EBF1: variants seen among roughly 807,000 people sequenced by gnomAD.
EBF1 encodes the protein transcription factor COE1.
Under a neutral mutation model 68.4 loss-of-function variants are expected in EBF1, and 10 were observed. The ratio of observed to expected loss-of-function variants is 0.15; its 90% CI spans 0.09 to 0.25. The LOEUF (loss-of-function observed/expected upper bound fraction) is 0.25, where lower values mean the gene tolerates loss of function less well. Among genes scored for constraint, EBF1 ranks in the 10% least tolerant of loss-of-function variants. The pLI, the probability that EBF1 is intolerant of heterozygous loss-of-function variation, is 1.00. For synonymous variants in EBF1, 298 were observed against 299.8 expected (o/e 0.99, Z 0.06); for missense variants, 509 against 794.4 (o/e 0.64, Z 4.32).
chr5:159,067,059 A>C (rs1052960433), intron 6 of EBF1, among the ~76,000 whole-genome samples: 1 of 152,126 alleles, frequency 6.6e-6, no homozygotes, highest in Non-Finnish European at 1.5e-5. Context: ...AAATCTGGTC[A>C]ATTTTTATTA....
At chr5:159,099,306 C>G in intron 1 of EBF1, 39 bp downstream of exon 1, 2 of 1,440,032 alleles carry the variant, frequency 1.4e-6, no homozygotes, top group Non-Finnish European at 1.8e-6. Flanking sequence ...CTCTCCCGCT[C>G]GCGGCTCACC....
At chr5:158,829,825 G>T (rs1159945814) in intron 7 of EBF1, among the ~76,000 whole-genome samples, 1 of 152,114 alleles carries the variant, frequency 6.6e-6, no homozygotes, top group Non-Finnish European at 1.5e-5. Flanking sequence ...GTTTTTGACT[G>T]TAATAATGGG....
At chr5:159,086,938 T>C (rs377322801) in intron 4 of EBF1, among the ~76,000 whole-genome samples, 1 of 152,134 alleles carries the variant, frequency 6.6e-6, no homozygotes, top group African/African-American at 2.4e-5. Flanking sequence ...TAACTAAAAA[T>C]GTTTTGAAAA....
intron 6 of EBF1, among the ~76,000 whole-genome samples, chr5:159,010,775 A>G (rs1764498176): frequency 6.6e-6 from 1 of 152,250 alleles, no homozygotes; most frequent in Non-Finnish European, 1.5e-5. Flanking sequence ...CTGGACCTGT[A>G]CAGCAAGAGC....
At chr5:158,739,790 T>C (rs1175947652) in intron 10 of EBF1, among the ~76,000 whole-genome samples, 1 of 152,208 alleles carries the variant, frequency 6.6e-6, no homozygotes, top group Non-Finnish European at 1.5e-5. Flanking sequence ...ACATTAGCTG[T>C]TATCAAGGGG....
intron 6 of EBF1, among the ~76,000 whole-genome samples, chr5:158,989,307 A>G (rs1561721554): frequency 6.6e-6 from 1 of 152,294 alleles, no homozygotes; most frequent in East Asian, 1.9e-4. Flanking sequence ...TTAGTTTTTA[A>G]CACAATGCAC....
At chr5:158,923,592 C>T (rs572969297) in intron 6 of EBF1, among the ~76,000 whole-genome samples, 21 of 152,040 alleles carry the variant, frequency 1.4e-4, no homozygotes, top group African/African-American at 3.9e-4. Context: ...TGCTGGGTGG[C>T]GGGAGGTGGG....
At chr5:159,019,373 A>G (rs1766233985) in intron 6 of EBF1, among the ~76,000 whole-genome samples, 1 of 152,252 alleles carries the variant, frequency 6.6e-6, no homozygotes, top group South Asian at 2.1e-4. Flanking sequence ...ACATTATATA[A>G]CTAAATAATA....
intron 6 of EBF1, among the ~76,000 whole-genome samples, chr5:158,845,451 C>A (rs1438395503): frequency 6.6e-6 from 1 of 152,118 alleles, no homozygotes; most frequent in African/African-American, 2.4e-5. Context: ...ACATCGGAAC[C>A]TACTTTAAAG....
chr5:158,804,075 T>A (rs1219257889), intron 8 of EBF1, among the ~76,000 whole-genome samples: 1 of 148,436 alleles, frequency 6.7e-6, no homozygotes, highest in African/African-American at 2.5e-5. Context: ...AATGAGGAGA[T>A]TGAGAATTTC....
At chr5:158,997,983 C>T (rs1178293793) in intron 6 of EBF1, among the ~76,000 whole-genome samples, 1 of 152,044 alleles carries the variant, frequency 6.6e-6, no homozygotes, top group Non-Finnish European at 1.5e-5. Context: ...GCCACCATTT[C>T]CTTCCCCTCC....
intron 6 of EBF1, among the ~76,000 whole-genome samples, chr5:158,972,493 T>C (rs1755845598): frequency 6.6e-6 from 1 of 152,150 alleles, no homozygotes; most frequent in Admixed American, 6.5e-5. Context: ...CCAGAAGCCA[T>C]TCTAAAAACA....
At chr5:158,977,532 A>G (rs1757017852) in intron 6 of EBF1, among the ~76,000 whole-genome samples, 1 of 152,234 alleles carries the variant, frequency 6.6e-6, no homozygotes, top group South Asian at 2.1e-4. Context: ...AATTAAAAAT[A>G]TACGTTCTCC....
chr5:158,739,964 G>C (rs1022175216), intron 10 of EBF1, among the ~76,000 whole-genome samples: 1 of 152,134 alleles, frequency 6.6e-6, no homozygotes, highest in Non-Finnish European at 1.5e-5. Flanking sequence ...AACACATCTT[G>C]TTTTCAATCA....
Position 158,827,335 on chromosome 5 carries a change from C to T in EBF1, c.637-4018G>A, listed in dbSNP as rs1786398166. On this transcript the variant is annotated intron_variant, in intron 7 of 15. Coordinates refer to ENST00000313708, the MANE Select transcript of EBF1 (RefSeq NM_024007.5). Reference sequence around the variant, plus strand: ...ACGTACAATTTTAAAGACCTTTGTGCTAGTAACACATTATTACACATTTAG... The same window carrying T: ...ACGTACAATTTTAAAGACCTTTGTGTTAGTAACACATTATTACACATTTAG... Among the ~76,000 whole-genome samples the T allele has an allele frequency of 2.0e-5, 3 of 152,180 alleles. No homozygotes were observed. In the South Asian group the frequency reaches 6.2e-4, roughly 32 times the overall value.
chr5:158,886,089 T>C (rs1310765725), intron 6 of EBF1, among the ~76,000 whole-genome samples: 1 of 152,164 alleles, frequency 6.6e-6, no homozygotes, highest in Non-Finnish European at 1.5e-5. Flanking sequence ...AACTCTTCTG[T>C]CCTAATCCTT....
intron 6 of EBF1, among the ~76,000 whole-genome samples, chr5:158,999,130 A>G (rs1583810157): frequency 1.3e-5 from 2 of 152,284 alleles, no homozygotes; most frequent in African/African-American, 2.4e-5. Flanking sequence ...TGAAAGCCAT[A>G]TTGATGGCTC....
At chr5:158,801,520 C>A (rs761200114) in intron 8 of EBF1, among the ~76,000 whole-genome samples, 2 of 152,106 alleles carry the variant, frequency 1.3e-5, no homozygotes, top group Non-Finnish European at 2.9e-5. Flanking sequence ...AAAAATCTAA[C>A]AGATTAATTG....
intron 8 of EBF1, among the ~76,000 whole-genome samples, chr5:158,821,055 G>A (rs1213080230): frequency 1.3e-5 from 2 of 152,152 alleles, no homozygotes; most frequent in African/African-American, 2.4e-5. Flanking sequence ...GGCTGGGGCC[G>A]AGGGGCACCA....
Sources: allele counts gnomAD v4.1 joint callset (sites outside exome capture counted in the v4.1 genomes callset), GRCh38; gene constraint gnomAD v4.1.1; transcripts MANE v1.5; gene names NCBI Gene and HGNC (gene_info 2026-07-23, HGNC 2026-07-21).